The following DRC3 variants were observed in gnomAD, a reference collection of about 807,000 sequenced individuals.
DRC3 encodes dynein regulatory complex subunit 3.
Under a neutral mutation model 57.6 loss-of-function variants are expected in DRC3, and 45 were observed. That is an observed-to-expected ratio of 0.78 (90% CI 0.62 to 1.00). The LOEUF is 1.00. Ranked by LOEUF, DRC3 falls within the 50% of genes least tolerant of loss-of-function variation. The pLI is 0.00. For missense variants in DRC3, 655 were observed against 675.2 expected, an observed-to-expected ratio of 0.97 and a Z score of 0.33; for synonymous variants, 257 against 272.3, an observed-to-expected ratio of 0.94 and a Z score of 0.55.
Position 17,983,893 on chromosome 17 carries a change from A to G in DRC3, c.226A>G (p.Ile76Val), listed in dbSNP as rs1295545372. 5.6e-6 allele frequency: 9 copies of G among 1,613,464 alleles called. No homozygotes were observed. Among genetic ancestry groups the G allele is most frequent in the Non-Finnish European group, 6.8e-6 (8 of 1,179,564 alleles). ...GAGGAAGCTGCAGCTGGACAATAAC[A>G]TCATTGAGAAGATCGAGGGCCTGGA... ...NLRKLQLDNNIIEKIEGLENL... is the reference protein window; with the variant it reads ...NLRKLQLDNNVIEKIEGLENL... Residue 76 changes from isoleucine to valine, a missense_variant, in exon 4 of 14, where the codon ATC becomes GTC. Coordinates refer to ENST00000399187, the MANE Select transcript of DRC3 (RefSeq NM_031294.4).
chr17:17,976,868 A>G (rs1482901075), intron 2 of DRC3, among the ~76,000 whole-genome samples: 1 of 152,020 alleles, frequency 6.6e-6, no homozygotes, highest in Non-Finnish European at 1.5e-5. Flanking sequence ...TCTGATTCCC[A>G]GGTTCCCATC....
Position 18,007,619 on chromosome 17 carries a change from G to A in DRC3, c.1326+472G>A, listed in dbSNP as rs964101846. 1.5e-5 allele frequency: 21 copies of A among 1,416,884 alleles called. 1 individual carries two copies. Among genetic ancestry groups the A allele is most frequent in the Non-Finnish European group, 4.6e-6 (5 of 1,080,456 alleles). The allele number at this position is 1,416,884 out of a possible 1,614,324, so 87.8% of individuals were successfully genotyped here. On this transcript the variant is annotated intron_variant, in intron 12 of 13. Coordinates refer to ENST00000399187, the MANE Select transcript of DRC3 (RefSeq NM_031294.4). The stretch of plus-strand genomic sequence containing the variant: ...CTGATGAATGGTCACAAAATCAGCA[G>A]GGTCGGCCTGAGGAACCTGGCTCCA...
At chr17:18,011,681 C>A in intron 12 of DRC3, 1 of 211,912 alleles carries the variant, frequency 4.7e-6, no homozygotes, top group South Asian at 8.8e-5. Context: ...GATGCCATCT[C>A]CAAGACCTAT....
intron 9 of DRC3, among the ~76,000 whole-genome samples, chr17:17,998,365 T>G (rs2043550361): frequency 6.6e-6 from 1 of 152,170 alleles, no homozygotes; most frequent in Non-Finnish European, 1.5e-5. Flanking sequence ...CAGGGGCCAT[T>G]GGGAAGGGCA....
chr17:18,012,268 T>G (rs998591564), intron 12 of DRC3, among the ~76,000 whole-genome samples: 1 of 152,154 alleles, frequency 6.6e-6, no homozygotes, highest in African/African-American at 2.4e-5. Context: ...GAAAAGACAG[T>G]CTCTTCAATA....
intron 11 of DRC3, 45 bp from the exon 12 acceptor site, chr17:18,006,979 G>A (rs376652313): frequency 5.2e-5 from 83 of 1,608,568 alleles, no homozygotes; most frequent in Non-Finnish European, 6.5e-5. Context: ...TCAGGGACGC[G>A]CCGGGCCTGC....
chr17:17,994,220 C>T, intron 6 of DRC3, 79 bp from the exon 7 acceptor site: 1 of 1,527,412 alleles, frequency 6.5e-7, no homozygotes, highest in South Asian at 1.2e-5. Context: ...GAGGCTGCAG[C>T]ATGGCAGAGG....
chr17:18,001,335 C>T (rs1345505189), intron 9 of DRC3, among the ~76,000 whole-genome samples: 1 of 152,068 alleles, frequency 6.6e-6, no homozygotes, highest in African/African-American at 2.4e-5. Context: ...GAAACCCCGT[C>T]TCTACTAAAA....
At chr17:18,010,183 A>G (rs1209135956) in intron 12 of DRC3, among the ~76,000 whole-genome samples, 1 of 152,196 alleles carries the variant, frequency 6.6e-6, no homozygotes, top group Non-Finnish European at 1.5e-5. Context: ...TGGCACCAGG[A>G]GACTCCGCGT....
chr17:17,977,661 C>T lies in DRC3; in HGVS notation c.63C>T (p.Ala21=), dbSNP rs1288333782. 7 of 1,613,892 alleles carry T rather than the reference C, an allele frequency of 4.3e-6. No individual in the cohort carries two copies. The highest frequency in any genetic ancestry group is 4.5e-5 in the East Asian group (2 of 44,876). The change falls in exon 3 of 14, where the codon GCC becomes GCT. Residue 21 remains alanine (A), a synonymous_variant. Coordinates refer to ENST00000399187, the MANE Select transcript of DRC3 (RefSeq NM_031294.4). ...RVMDDDMLKL[A]VGDQGPQEEA... ...TGGACGATGACATGCTCAAGCTGGCCGTCGGGGACCAGGGCCCCCAGGAGG... is the reference window on the plus strand; with the variant it reads ...TGGACGATGACATGCTCAAGCTGGCTGTCGGGGACCAGGGCCCCCAGGAGG...
intron 8 of DRC3, among the ~76,000 whole-genome samples, chr17:17,996,739 C>G (rs569876509): frequency 5.9e-5 from 9 of 152,328 alleles, no homozygotes; most frequent in African/African-American, 2.2e-4. Flanking sequence ...GCTGGTGACC[C>G]AGGTTTGCCT....
Position 18,005,985 on chromosome 17 carries a change from A to C in DRC3, c.1132-198A>C. Reference sequence around the variant, plus strand: ...TAAACATTCAGATGGTGAGGGAGTTAATATGGTTGGAGAACAACAACTTTA... The same window carrying C: ...TAAACATTCAGATGGTGAGGGAGTTCATATGGTTGGAGAACAACAACTTTA... On this transcript the variant is annotated intron_variant, in intron 10 of 13. Coordinates refer to ENST00000399187, the MANE Select transcript of DRC3 (RefSeq NM_031294.4). The C allele has an allele frequency of 6.9e-6, 4 of 578,696 alleles. No homozygotes were observed. The South Asian group carries it at 8.4e-5, about 12-fold the overall frequency. The allele number at this position is 578,696 out of a possible 1,614,324, so 35.8% of individuals were successfully genotyped here.
chr17:18,003,831 T>C (rs573966626), intron 9 of DRC3, among the ~76,000 whole-genome samples: 2 of 150,868 alleles, frequency 1.3e-5, no homozygotes, highest in East Asian at 4.0e-4. Flanking sequence ...TTTTGTATTT[T>C]TAGTATAGAT....
chr17:17,987,137 C>T (rs949533180), intron 4 of DRC3, among the ~76,000 whole-genome samples: 1 of 150,238 alleles, frequency 6.7e-6, no homozygotes, highest in African/African-American at 2.5e-5. Flanking sequence ...ATCACTTGAA[C>T]CCAGGAGGTC....
chr17:18,009,896 G>T (rs2044110284), intron 12 of DRC3, among the ~76,000 whole-genome samples: 1 of 152,226 alleles, frequency 6.6e-6, no homozygotes, highest in Non-Finnish European at 1.5e-5. Context: ...AGCTTTGAGA[G>T]GAAAAGCAGA....
chr17:17,997,374 C>A lies in DRC3; in HGVS notation c.825-86C>A, dbSNP rs947624131. 6.3e-6 allele frequency: 8 copies of A among 1,264,736 alleles called. No individual in the cohort carries two copies. In the African/African-American group the frequency reaches 1.2e-4, roughly 19 times the overall value. 78.3% of individuals were successfully genotyped at this position (1,264,736 alleles called of 1,614,324 possible). On this transcript the variant is annotated intron_variant, in intron 8 of 13. Transcript: ENST00000399187. ...CACACTGTTGAGCGCACAGTCTGTG[C>A]ACTGTGCCAGGGTTACCAACACCTT...
intron 9 of DRC3, among the ~76,000 whole-genome samples, chr17:18,002,167 C>T (rs1376466234): frequency 6.8e-6 from 1 of 148,090 alleles, no homozygotes; most frequent in South Asian, 2.1e-4. Context: ...GACTCTGTCT[C>T]AAAGAAAAAA....
chr17:18,004,438 A>C lies in DRC3; in HGVS notation c.1075A>C (p.Ser359Arg), dbSNP rs567777043. 3.4e-5 allele frequency: 54 copies of C among 1,611,270 alleles called. No individual in the cohort carries two copies. In the South Asian group the frequency reaches 5.7e-4, roughly 17 times the overall value. ...KMILECSADI[S>R]ELFDALMTLE... ...GATCCTAGAATGCAGTGCTGACATC[A>C]GTGAGTTGTTCGATGCGCTCATGAC... The change falls in exon 10 of 14, where the codon AGT becomes CGT. Residue 359 changes from serine to arginine, a missense_variant. Ser to Arg is a moderately radical substitution (Grantham distance 110). Coordinates refer to ENST00000399187, the MANE Select transcript of DRC3 (RefSeq NM_031294.4).
At chr17:18,005,899 C>T in intron 10 of DRC3, 1 of 409,826 alleles carries the variant, frequency 2.4e-6, no homozygotes, top group Non-Finnish European at 4.6e-6. Flanking sequence ...GTGTGTTGGG[C>T]AGGCAGGTAA....
Sources: allele counts gnomAD v4.1 joint callset (sites outside exome capture counted in the v4.1 genomes callset), GRCh38; gene constraint gnomAD v4.1.1; transcripts MANE v1.5; gene names NCBI Gene and HGNC (gene_info 2026-07-23, HGNC 2026-07-21).